The following OIP5 variants were observed in gnomAD, a reference collection of about 807,000 sequenced individuals.
OIP5 encodes protein Mis18-beta.
OIP5 carries 24 observed loss-of-function variants against 20.3 expected under a neutral mutation model. The ratio of observed to expected loss-of-function variants is 1.18; its 90% CI spans 0.86 to 1.66. The LOEUF is 1.66. Among genes scored for constraint, OIP5 ranks in the 40% most tolerant of loss-of-function variants. OIP5 has a pLI of 0.00. For missense variants in OIP5, 339 were observed against 289.5 expected (o/e 1.17, Z -1.24); for synonymous variants, 143 against 121.3 (o/e 1.18, Z -1.17).
chr15:41,312,785 C>T lies in OIP5; in HGVS notation c.594+488G>A, dbSNP rs150842836. Among the ~76,000 whole-genome samples the T allele has an allele frequency of 2.1e-4, 32 of 152,198 alleles. No individual in the cohort carries two copies. In the East Asian group the frequency reaches 4.3e-3, roughly 20 times the overall value. On this transcript the variant is annotated intron_variant, in intron 4 of 4. Transcript: ENST00000220514. ...CTGGGACTACAGGCACGTGCCACCA[C>T]GCCCGGCTAATTTTTTGTATTTGTA...
chr15:41,309,522 A>C lies in OIP5; in HGVS notation c.*232T>G. 1 of 360,160 alleles carries C rather than the reference A, an allele frequency of 2.8e-6. No individual in the cohort carries two copies. Among genetic ancestry groups the C allele is most frequent in the Non-Finnish European group, 5.0e-6 (1 of 198,650 alleles). The allele number at this position is 360,160 out of a possible 1,614,324, so 22.3% of individuals were successfully genotyped here. On this transcript the variant is annotated 3_prime_UTR_variant, in exon 5 of 5. Coordinates refer to ENST00000220514, the MANE Select transcript of OIP5 (RefSeq NM_007280.2). ...CAGAGATAAGTATTATGAATTCAAT[A>C]AGAATCTAAAGTAAGTTCTTAAGGC... is the stretch of plus-strand genomic sequence containing the variant.
intron 2 of OIP5, among the ~76,000 whole-genome samples, chr15:41,327,214 T>A (rs934056702): frequency 6.6e-6 from 1 of 151,722 alleles, no homozygotes; most frequent in Non-Finnish European, 1.5e-5. Flanking sequence ...GGAGTCTTCC[T>A]CTTGTCACCC....
intron 2 of OIP5, among the ~76,000 whole-genome samples, chr15:41,324,200 G>A (rs972900267): frequency 1.3e-5 from 2 of 151,714 alleles, no homozygotes; most frequent in Non-Finnish European, 2.9e-5. Flanking sequence ...TCACCATGTT[G>A]CCCAGGTTGG....
Position 41,319,734 on chromosome 15 carries a change from A to C in OIP5, c.436T>G (p.Phe146Val), listed in dbSNP as rs1002346277. 6.2e-7 allele frequency: 1 copy of C among 1,613,712 alleles called. No homozygotes were observed. Among genetic ancestry groups the C allele is most frequent in the African/African-American group, 1.3e-5 (1 of 74,932 alleles). ...GCAGCATGGGTAGAATACAGATGGA[A>C]ACCAACGGGAATCCCACAAGAACCA... ...FCGSCGIPVG[F>V]HLYSTHAALA... The change falls in exon 3 of 5, where the codon TTC (phenylalanine) becomes GTC (valine). Residue 146 changes from phenylalanine (F) to valine (V), a missense_variant. Phe to Val is a conservative substitution (Grantham distance 50, BLOSUM62 -1). Transcript: ENST00000220514.
chr15:41,321,684 G>A (rs1192406450), intron 2 of OIP5, among the ~76,000 whole-genome samples: 1 of 151,796 alleles, frequency 6.6e-6, no homozygotes, highest in Non-Finnish European at 1.5e-5. Context: ...TGGATTAAGG[G>A]CGGTGCAAGA....
At chr15:41,322,505 C>G (rs2047836401) in intron 2 of OIP5, among the ~76,000 whole-genome samples, 1 of 152,050 alleles carries the variant, frequency 6.6e-6, no homozygotes, top group Admixed American at 6.6e-5. Context: ...CTCAACTGAT[C>G]TACCTGCCTC....
At chr15:41,321,368 C>G (rs1323193207) in intron 2 of OIP5, among the ~76,000 whole-genome samples, 5 of 151,988 alleles carry the variant, frequency 3.3e-5, no homozygotes, top group Non-Finnish European at 7.4e-5. Flanking sequence ...GCCCGGCCGC[C>G]CCTACTGGGA....
chr15:41,314,989 G>A (rs75466813), intron 3 of OIP5, among the ~76,000 whole-genome samples: 2,254 of 151,164 alleles, frequency 0.015, 65 homozygotes, highest in African/African-American at 0.053. Context: ...TGGCATGCCT[G>A]TAGTCCCAGC....
rs764385711 is a variant in OIP5 at position 41,331,916 on chromosome 15, T to C, written c.388A>G (p.Ser130Gly). The C allele has an allele frequency of 5.6e-6, 9 of 1,613,648 alleles. No individual in the cohort carries two copies. Among genetic ancestry groups the C allele is most frequent in the South Asian group, 4.4e-5 (4 of 91,070 alleles). The stretch of plus-strand genomic sequence containing the variant: ...ACCAATGTAATTATCAATACGTACC[T>C]GCCTTTGAGTGAACCTTCAATGCCA... ...LVGIEGSLKG[S>G]TYNLLFCGSC... is the part of the protein sequence containing the mutation. The change falls in exon 2 of 5, where the codon AGT becomes GGT. Residue 130 changes from serine to glycine, a missense_variant and splice_region_variant. Ser to Gly is a moderately conservative substitution (Grantham distance 56). Transcript: ENST00000220514.
At chr15:41,322,340 G>A (rs1046265918) in intron 2 of OIP5, among the ~76,000 whole-genome samples, 2 of 152,010 alleles carry the variant, frequency 1.3e-5, no homozygotes, top group Non-Finnish European at 2.9e-5. Context: ...TGTGCTAAAA[G>A]CAATTTTAAA....
At position 41,309,503 on chromosome 15, in the gene OIP5, T is replaced by G. The variant is rs115325774; in HGVS notation, c.*251A>C. On this transcript the variant is annotated 3_prime_UTR_variant, in exon 5 of 5. Coordinates refer to ENST00000220514, the MANE Select transcript of OIP5 (RefSeq NM_007280.2). ...TTACAGTCAAAGACATTTTCAGAGA[T>G]AAGTATTATGAATTCAATAAGAATC... 593 of 308,324 alleles carry G rather than the reference T, an allele frequency of 1.9e-3. 5 individuals carry two copies. The highest frequency in any genetic ancestry group is 0.011 in the African/African-American group (522 of 45,636). The allele number at this position is 308,324 out of a possible 1,614,324, so 19.1% of individuals were successfully genotyped here.
chr15:41,330,671 G>A (rs2047894292), intron 2 of OIP5, among the ~76,000 whole-genome samples: 2 of 152,296 alleles, frequency 1.3e-5, no homozygotes, highest in East Asian at 1.9e-4. Context: ...CCAAAGTGCT[G>A]TGATTACAGG....
intron 2 of OIP5, among the ~76,000 whole-genome samples, chr15:41,327,481 T>C (rs1011916140): frequency 3.1e-4 from 46 of 150,514 alleles, no homozygotes; most frequent in African/African-American, 1.1e-3. Flanking sequence ...CCAGCCAGAA[T>C]TGGGATATAT....
intron 3 of OIP5, among the ~76,000 whole-genome samples, chr15:41,314,264 G>A (rs576606680): frequency 3.3e-5 from 5 of 152,216 alleles, no homozygotes; most frequent in Middle Eastern, 6.8e-3. Context: ...ACCACGCCCA[G>A]CTAATTTTTG....
chr15:41,324,057 T>TTGCCTCTCCGCCCGG (rs2047846711), intron 2 of OIP5, among the ~76,000 whole-genome samples: 1 of 139,172 alleles, frequency 7.2e-6, no homozygotes, highest in Non-Finnish European at 1.5e-5. Context: ...GGTGGCACAA[T>TTGCCTCTCCGCCCGG]CACAGCTCCA....
chr15:41,315,814 T>C (rs1038312570), intron 3 of OIP5, among the ~76,000 whole-genome samples: 5 of 152,188 alleles, frequency 3.3e-5, no homozygotes, highest in East Asian at 3.8e-4. Context: ...CAGTTTTTTT[T>C]CCCACTTTAA....
At chr15:41,327,336 C>G (rs570359643) in intron 2 of OIP5, among the ~76,000 whole-genome samples, 100 of 151,978 alleles carry the variant, frequency 6.6e-4, no homozygotes, top group African/African-American at 2.3e-3. Flanking sequence ...CGCCCACCAC[C>G]ACGCCCAGCA....
intron 2 of OIP5, among the ~76,000 whole-genome samples, chr15:41,320,801 C>T (rs1284772472): frequency 1.3e-5 from 2 of 151,068 alleles, no homozygotes; most frequent in African/African-American, 2.4e-5. Flanking sequence ...AAGTGAGGAG[C>T]GTCTCTGCCC....
chr15:41,322,253 A>G (rs2047834989), intron 2 of OIP5, among the ~76,000 whole-genome samples: 1 of 152,196 alleles, frequency 6.6e-6, no homozygotes, highest in Admixed American at 6.5e-5. Context: ...AGCCTAGGCA[A>G]CATGGTAATA....
Sources: gnomAD v4.1 joint callset for allele counts (sites outside exome capture counted in the v4.1 genomes callset) on GRCh38, gnomAD v4.1.1 for gene constraint, MANE v1.5 for transcripts, NCBI Gene and HGNC (gene_info 2026-07-23, HGNC 2026-07-21) for gene names.